The following PRKD3 variants were observed in gnomAD, a reference collection of about 807,000 sequenced individuals.
The protein encoded by PRKD3 is serine/threonine-protein kinase D3.
Under a neutral mutation model 99.2 loss-of-function variants are expected in PRKD3, and 47 were observed. The ratio of observed to expected loss-of-function variants is 0.47; its 90% confidence interval spans 0.38 to 0.60. PRKD3 has a LOEUF of 0.60. PRKD3 is among the 20% of genes least tolerant of loss of function. PRKD3 has a pLI of 0.00. For synonymous variants in PRKD3, 392 were observed against 355.4 expected (o/e 1.10, Z -1.16); for missense variants, 1,019 against 1,088.4 (o/e 0.94, Z 0.90).
At chr2:37,311,475 T>C (rs537434339) in intron 2 of PRKD3, among the ~76,000 whole-genome samples, 53 of 152,290 alleles carry the variant, frequency 3.5e-4, no homozygotes, top group Non-Finnish European at 6.8e-4. Context: ...CATAAATATT[T>C]GTTCAACTGA....
intron 2 of PRKD3, among the ~76,000 whole-genome samples, chr2:37,308,934 T>C (rs936673368): frequency 7.9e-5 from 12 of 152,172 alleles, no homozygotes; most frequent in African/African-American, 2.7e-4. Flanking sequence ...ACTTCAGTTA[T>C]TGTAGGTTTT....
intron 2 of PRKD3, among the ~76,000 whole-genome samples, chr2:37,297,446 T>C (rs114019042): frequency 0.022 from 3,387 of 152,274 alleles, 55 homozygotes; most frequent in Middle Eastern, 0.051. Flanking sequence ...TGTACATTAG[T>C]TACATGCTAT....
chr2:37,292,995 T>C (rs750649677), intron 3 of PRKD3, 138 bp downstream of exon 3: 43 of 976,610 alleles, frequency 4.4e-5, no homozygotes, highest in African/African-American at 1.5e-4. Context: ...AAAAATCATA[T>C]GGTGACCATT....
At chr2:37,309,779 C>T (rs1245481381) in intron 2 of PRKD3, among the ~76,000 whole-genome samples, 1 of 142,082 alleles carries the variant, frequency 7.0e-6, no homozygotes. Flanking sequence ...ACCAGTGAGT[C>T]GGAAGTTGCA....
intron 1 of PRKD3, among the ~76,000 whole-genome samples, chr2:37,320,960 C>T (rs1401569917): frequency 6.6e-6 from 1 of 152,180 alleles, no homozygotes; most frequent in Non-Finnish European, 1.5e-5. Context: ...TCCATTTTCC[C>T]TCTCCTGGTT....
chr2:37,279,602 C>T (rs1050445657), intron 8 of PRKD3, 144 bp downstream of exon 8: 2 of 486,280 alleles, frequency 4.1e-6, no homozygotes, highest in African/African-American at 2.0e-5. Context: ...AGAAATACTA[C>T]ATTGCATGTA....
At chr2:37,260,728 T>C (rs1166530433) in intron 14 of PRKD3, among the ~76,000 whole-genome samples, 3 of 152,234 alleles carry the variant, frequency 2.0e-5, no homozygotes, top group Non-Finnish European at 4.4e-5. Context: ...CATAAATTTT[T>C]AGTCAATTAC....
intron 2 of PRKD3, among the ~76,000 whole-genome samples, chr2:37,293,477 A>G (rs1410703062): frequency 2.6e-5 from 4 of 152,352 alleles, no homozygotes; most frequent in East Asian, 1.9e-4. Flanking sequence ...GTAAACTTAC[A>G]AATAAATAAT....
rs192816821 is a variant in PRKD3 at position 37,251,150 on chromosome 2, G to A, written c.*2027C>T. 3.3e-5 allele frequency: 5 copies of A among 152,584 alleles called. No individual in the cohort carries two copies. Among genetic ancestry groups the A allele is most frequent in the Admixed American group, 1.3e-4 (2 of 15,288 alleles). The allele number at this position is 152,584 out of a possible 1,614,324, so 9.5% of individuals were successfully genotyped here. A position where few individuals can be genotyped will look rare whatever the true frequency, so the allele number is the denominator to read the frequency against. Reference sequence around the variant, plus strand: ...TGTGTGTTGATATAAACAGACTTTGGTGAAACTGGGAAGTCATCCTCTATC... The same window carrying A: ...TGTGTGTTGATATAAACAGACTTTGATGAAACTGGGAAGTCATCCTCTATC... On this transcript the variant is annotated 3_prime_UTR_variant, in exon 19 of 19. Coordinates refer to ENST00000234179, the MANE Select transcript of PRKD3 (RefSeq NM_005813.6).
intron 10 of PRKD3, 23 bp from the exon 11 acceptor site, chr2:37,274,720 G>C: frequency 6.3e-7 from 1 of 1,589,432 alleles, no homozygotes; most frequent in Non-Finnish European, 8.6e-7. Flanking sequence ...ATTAAGCATT[G>C]AAAAATAAGA....
intron 1 of PRKD3, among the ~76,000 whole-genome samples, chr2:37,320,835 C>G (rs1326660952): frequency 6.6e-6 from 1 of 152,140 alleles, no homozygotes; most frequent in African/African-American, 2.4e-5. Context: ...ACTAATTTAT[C>G]AGAACAAATT....
rs965469295 is a variant in PRKD3, at chr2:37,252,074, C to T, written c.*1103G>A. On this transcript the variant is annotated 3_prime_UTR_variant, in exon 19 of 19. Transcript: ENST00000234179. ...AATTTGCTGTGCTGATAATACAGCC[C>T]CAGCCTTATAAACTGTTTCATGCTC... 3.3e-5 allele frequency: 5 copies of T among 152,008 alleles called. No individual in the cohort carries two copies. The highest frequency in any genetic ancestry group is 7.4e-5 in the Non-Finnish European group (5 of 67,996). The allele number at this position is 152,008 out of a possible 1,614,324, so 9.4% of individuals were successfully genotyped here.
chr2:37,306,212 G>C (rs578132154), intron 2 of PRKD3, among the ~76,000 whole-genome samples: 2 of 152,186 alleles, frequency 1.3e-5, no homozygotes, highest in African/African-American at 4.8e-5. Flanking sequence ...CTTGTAATCA[G>C]GCGTTAAGTG....
chr2:37,317,146 G>C lies in PRKD3; in HGVS notation c.-622C>G. On this transcript the variant is annotated 5_prime_UTR_variant, in exon 2 of 19. Transcript: ENST00000234179. ...ATTTCATTAGATGAATGGGTCCATC[G>C]AGAAAAGCTGATGCTTTCTGACATA... 1.0e-6 allele frequency: 1 copy of C among 984,924 alleles called. No individual in the cohort carries two copies. The highest frequency in any genetic ancestry group is 1.2e-6 in the Non-Finnish European group (1 of 829,608). 61.0% of individuals were successfully genotyped at this position (984,924 alleles called of 1,614,324 possible).
At chr2:37,282,768 C>G (rs1669910305) in intron 6 of PRKD3, 149 bp from the exon 7 acceptor site, 1 of 626,726 alleles carries the variant, frequency 1.6e-6, no homozygotes, top group South Asian at 2.0e-5. Context: ...TTTAGCACCC[C>G]TCTGCACCCC....
chr2:37,323,063 G>A (rs759218375), intron 1 of PRKD3, among the ~76,000 whole-genome samples: 2 of 149,866 alleles, frequency 1.3e-5, no homozygotes, highest in African/African-American at 4.9e-5. Flanking sequence ...TTTTCAATTC[G>A]TAATTTAAAA....
intron 1 of PRKD3, chr2:37,317,662 G>A (rs898418017): frequency 1.3e-5 from 2 of 152,066 alleles, no homozygotes; most frequent in African/African-American, 2.4e-5. Flanking sequence ...CTCTTGACTT[G>A]CTTTGTTGAA....
chr2:37,324,138 C>T (rs537014849), intron 1 of PRKD3: 14 of 982,124 alleles, frequency 1.4e-5, no homozygotes, highest in East Asian at 1.1e-4. Context: ...ACTAGCAAAT[C>T]CAAACGCAGT....
At chr2:37,320,684 G>C (rs906564516) in intron 1 of PRKD3, among the ~76,000 whole-genome samples, 1 of 151,804 alleles carries the variant, frequency 6.6e-6, no homozygotes, top group South Asian at 2.1e-4. Context: ...CGCCCATCTC[G>C]GCCTCCCAAA....
Sources: gnomAD v4.1 joint callset for allele counts (sites outside exome capture counted in the v4.1 genomes callset) on GRCh38, gnomAD v4.1.1 for gene constraint, MANE v1.5 for transcripts, NCBI Gene and HGNC (gene_info 2026-07-23, HGNC 2026-07-21) for gene names.